Variants in CLUAP1 observed in about 807,000 individuals in gnomAD.
The protein encoded by CLUAP1 is clusterin-associated protein 1.
A neutral mutation model predicts 55.0 loss-of-function variants in CLUAP1; 50 were observed. That is an observed-to-expected ratio of 0.91 (90% confidence interval 0.72 to 1.15). CLUAP1 has a LOEUF of 1.15. Among genes scored for constraint, CLUAP1 ranks in the 50% most tolerant of loss-of-function variants. The probability of loss-of-function intolerance (pLI) is 0.00; values close to 1 mark genes in which losing one functional copy is unlikely to be tolerated. For synonymous variants in CLUAP1, 195 were observed against 175.4 expected, an observed-to-expected ratio of 1.11 and a Z score of -0.88; for missense variants, 530 against 507.6, an observed-to-expected ratio of 1.04 and a Z score of -0.42.
At chr16:3,523,425 C>T in intron 8 of CLUAP1, 126 bp downstream of exon 8, 1 of 1,116,722 alleles carries the variant, frequency 9.0e-7, no homozygotes, top group Non-Finnish European at 1.3e-6. Flanking sequence ...CCTGGTCAGT[C>T]TGAGGATTGC....
In CLUAP1 at chr16:3,529,793, A is replaced by G. The variant is rs1343114411; in HGVS notation, c.929-775A>G. ...TATTATTATATATTATATAATATAT[A>G]TTATATTATTATATATATATTATAA... On this transcript the variant is annotated intron_variant, in intron 9 of 11. Transcript: ENST00000576634. Among the ~76,000 whole-genome samples, 62 of 61,976 alleles carry G rather than the reference A, an allele frequency of 1.0e-3. 5 individuals are homozygous for G. Among genetic ancestry groups the G allele is most frequent in the African/African-American group, 4.3e-3 (60 of 13,866 alleles). The allele number at this position is 61,976 out of a possible 152,430, so 40.7% of individuals were successfully genotyped here.
upstream of CLUAP1, among the ~76,000 whole-genome samples, chr16:3,498,358 G>C (rs28854599): frequency 0.048 from 7,285 of 152,010 alleles, 325 homozygotes; most frequent in African/African-American, 0.12. Flanking sequence ...CAAGCACACT[G>C]AAAAATAATG....
At chr16:3,499,125 G>C (rs1390333512), upstream of CLUAP1, among the ~76,000 whole-genome samples, 1 of 152,260 alleles carries the variant, frequency 6.6e-6, no homozygotes, top group Non-Finnish European at 1.5e-5. Context: ...TTAATCATCA[G>C]GGAAATGCAG....
chr16:3,523,113 T>A, intron 7 of CLUAP1, 45 bp from the exon 8 acceptor site: 1 of 1,530,628 alleles, frequency 6.5e-7, no homozygotes, highest in Non-Finnish European at 8.8e-7. Context: ...TTCAAACTAC[T>A]GCATATAATT....
intron 1 of CLUAP1, among the ~76,000 whole-genome samples, chr16:3,501,863 G>GT (rs1294782968): frequency 6.6e-6 from 1 of 151,962 alleles, no homozygotes. Flanking sequence ...CATTTTTTGA[G>GT]TTTTAACGAT....
intron 4 of CLUAP1, 79 bp downstream of exon 4, chr16:3,508,547 C>T (rs2037554964): frequency 7.7e-7 from 1 of 1,296,060 alleles, no homozygotes; most frequent in Non-Finnish European, 1.0e-6. Flanking sequence ...TCTGCTACAG[C>T]TCCGCTGCTT....
chr16:3,495,893 G>A, the CLUAP1 span, among the ~76,000 whole-genome samples: 3 of 152,078 alleles, frequency 2.0e-5, no homozygotes, highest in African/African-American at 7.2e-5. Flanking sequence ...ATCAGTTGAG[G>A]TCTGTGGGAG....
upstream of CLUAP1, chr16:3,500,781 C>G (rs900856158): frequency 7.9e-6 from 4 of 506,918 alleles, no homozygotes; most frequent in Non-Finnish European, 1.4e-5. Flanking sequence ...CAGCGCGAAA[C>G]GTCCGCAAAG....
At chr16:3,514,049 C>T (rs2037685065) in intron 5 of CLUAP1, among the ~76,000 whole-genome samples, 1 of 152,234 alleles carries the variant, frequency 6.6e-6, no homozygotes, top group Non-Finnish European at 1.5e-5. Flanking sequence ...CTGCCACTGA[C>T]ATCTGCTAGC....
chr16:3,507,680 TTGTGTGTGTGTGTGTG>T (rs61672090), intron 3 of CLUAP1, among the ~76,000 whole-genome samples: 5 of 142,988 alleles, frequency 3.5e-5, no homozygotes, highest in Admixed American at 2.1e-4. Context: ...CTTCCAGAGT[TTGTGTGTGTGTGTGTG>T]TGTGTGTGTG....
chr16:3,521,001 G>A (rs1393666383), intron 7 of CLUAP1, among the ~76,000 whole-genome samples: 3 of 151,814 alleles, frequency 2.0e-5, no homozygotes, highest in Non-Finnish European at 4.4e-5. Flanking sequence ...CTTTTTGGAT[G>A]TTGGTGGCTG....
intron 6 of CLUAP1, among the ~76,000 whole-genome samples, chr16:3,517,375 C>T (rs2037748678): frequency 6.6e-6 from 1 of 152,112 alleles, no homozygotes; most frequent in Non-Finnish European, 1.5e-5. Flanking sequence ...AGCGCCATCT[C>T]AGCTCACTGC....
rs774132540 is a variant in CLUAP1 at position 3,508,465 on chromosome 16, A to G, written c.396A>G (p.Ser132=). 23 of 1,570,564 alleles carry G rather than the reference A, an allele frequency of 1.5e-5. No individual in the cohort carries two copies. Among genetic ancestry groups the G allele is most frequent in the Non-Finnish European group, 2.0e-5 (23 of 1,167,368 alleles). The change falls in exon 4 of 12, where the codon TCA becomes TCG. Residue 132 remains serine (S), a synonymous_variant. Transcript: ENST00000576634. ...DVNKFKFDLG[S]KIADLKAARQ... is the part of the protein sequence containing the mutation. ...ACAAGTTCAAGTTTGATCTTGGCTCAAAGGTAAGGACAACAAAAGCCTTGT... is the reference window on the plus strand; with the variant it reads ...ACAAGTTCAAGTTTGATCTTGGCTCGAAGGTAAGGACAACAAAAGCCTTGT...
chr16:3,500,312 C>T (rs545338524), upstream of CLUAP1, among the ~76,000 whole-genome samples: 1 of 151,938 alleles, frequency 6.6e-6, no homozygotes, highest in Non-Finnish European at 1.5e-5. Context: ...CAGATTCCGA[C>T]GAGGAGCGCG....
chr16:3,498,531 G>A (rs947306813), upstream of CLUAP1, among the ~76,000 whole-genome samples: 1 of 152,096 alleles, frequency 6.6e-6, no homozygotes, highest in African/African-American at 2.4e-5. Context: ...AAACACGGCT[G>A]GGCATGGTGG....
At chr16:3,509,738 G>A (rs778512086) in intron 4 of CLUAP1, among the ~76,000 whole-genome samples, 5 of 152,240 alleles carry the variant, frequency 3.3e-5, no homozygotes, top group African/African-American at 4.8e-5. Context: ...GTCTGCTGCA[G>A]GGAAGAAAGC....
At position 3,538,225 on chromosome 16, in the gene CLUAP1, G is replaced by T. The variant is rs1028308264; in HGVS notation, c.*1954G>T. ...ATTCAGGAGTTCACAGGTACGAAAA[G>T]ATACACATAAATTTTAGGAACTTTT... On this transcript the variant is annotated 3_prime_UTR_variant, in exon 12 of 12. Transcript: ENST00000576634. The T allele has an allele frequency of 2.6e-5, 4 of 151,458 alleles. No individual in the cohort carries two copies. The highest frequency in any genetic ancestry group is 4.4e-5 in the Non-Finnish European group (3 of 67,924). 9.4% of individuals were successfully genotyped at this position (151,458 alleles called of 1,614,324 possible). A position where few individuals can be genotyped will look rare whatever the true frequency, so the allele number is the denominator to read the frequency against.
At chr16:3,510,422 A>C (rs559570169) in intron 4 of CLUAP1, among the ~76,000 whole-genome samples, 1 of 151,972 alleles carries the variant, frequency 6.6e-6, no homozygotes, top group East Asian at 1.9e-4. Flanking sequence ...GGCGTGAGCC[A>C]CCGCGCCTGT....
chr16:3,530,909 T>G (rs1386833255), intron 10 of CLUAP1, among the ~76,000 whole-genome samples: 3 of 152,234 alleles, frequency 2.0e-5, no homozygotes, highest in Non-Finnish European at 4.4e-5. Flanking sequence ...TATTTATGGC[T>G]TGGTATTTCT....
Sources: gnomAD v4.1 joint callset for allele counts (sites outside exome capture counted in the v4.1 genomes callset) on GRCh38, gnomAD v4.1.1 for gene constraint, MANE v1.5 for transcripts, NCBI Gene and HGNC (gene_info 2026-07-23, HGNC 2026-07-21) for gene names.